The following PRH1 variants were observed in gnomAD, a reference collection of about 807,000 sequenced individuals.
The protein encoded by PRH1 is salivary acidic proline-rich phosphoprotein 1/2.
PRH1 carries 7 observed loss-of-function variants against 7.9 expected under a neutral mutation model. The ratio of observed to expected loss-of-function variants is 0.89; its 90% CI spans 0.50 to 1.67. The LOEUF (loss-of-function observed/expected upper bound fraction) is 1.67, where lower values mean the gene tolerates loss of function less well. Among genes scored for constraint, PRH1 ranks in the 40% most tolerant of loss-of-function variants. The probability of loss-of-function intolerance (pLI) is 0.00; values close to 1 mark genes in which losing one functional copy is unlikely to be tolerated. For synonymous variants in PRH1, 45 were observed against 80.8 expected (o/e 0.56, Z 2.38); for missense variants, 109 against 223.6 (o/e 0.49, Z 3.27).
At chr12:11,027,186 G>A (rs2136088489) in intron 1 of PRH1, among the ~76,000 whole-genome samples, 1 of 151,044 alleles carries the variant, frequency 6.6e-6, no homozygotes, top group African/African-American at 2.4e-5. Flanking sequence ...AATCACTTGA[G>A]CCCAGAAGGT....
At chr12:10,977,434 C>T (rs1939157805) in intron 1 of PRH1, among the ~76,000 whole-genome samples, 2 of 152,116 alleles carry the variant, frequency 1.3e-5, no homozygotes, top group Admixed American at 1.3e-4. Flanking sequence ...TAAGCACCAC[C>T]TATGACAAAC....
intron 1 of PRH1, among the ~76,000 whole-genome samples, chr12:11,004,557 A>G (rs1448863837): frequency 6.6e-6 from 1 of 152,124 alleles, no homozygotes; most frequent in Non-Finnish European, 1.5e-5. Context: ...TTTCTATTAT[A>G]ATTCAGAATG....
At chr12:10,967,543 G>T (rs1938569450) in intron 2 of PRH1, among the ~76,000 whole-genome samples, 1 of 152,122 alleles carries the variant, frequency 6.6e-6, no homozygotes, top group Non-Finnish European at 1.5e-5. Flanking sequence ...CAACACTTGG[G>T]TCACACAATA....
intron 2 of PRH1, chr12:10,931,153 C>G: frequency 6.3e-7 from 1 of 1,585,774 alleles, no homozygotes; most frequent in Non-Finnish European, 8.6e-7. Context: ...GCCAGTGAAT[C>G]TATTGAAAAG....
rs368370360 is a variant in PRH1 at position 10,892,539 on chromosome 12, G to T, written c.-58-8264C>A. Among the ~76,000 whole-genome samples, 6 of 151,798 alleles carry T rather than the reference G, an allele frequency of 4.0e-5. No homozygotes were observed. The East Asian group carries it at 9.7e-4, about 24-fold the overall frequency. On this transcript the variant is annotated intron_variant, in intron 2 of 3. Transcript: ENST00000539853. Reference sequence around the variant, plus strand: ...AAGTGAATAATCTTATTTCATAAGGGGTATGTCATTTTATGATTCAAATTA... The same window carrying T: ...AAGTGAATAATCTTATTTCATAAGGTGTATGTCATTTTATGATTCAAATTA...
intron 2 of PRH1, among the ~76,000 whole-genome samples, chr12:10,896,069 T>G (rs1166824808): frequency 6.6e-6 from 1 of 152,230 alleles, no homozygotes; most frequent in Non-Finnish European, 1.5e-5. Flanking sequence ...TATACAAGTT[T>G]TTTTCCCTTG....
rs974764946 is a variant in PRH1 at position 10,986,831 on chromosome 12, T to G, written c.-125-13110A>C. 4.0e-5 allele frequency: 62 copies of G among 1,542,774 alleles called. 1 individual carries two copies. The East Asian group carries it at 1.3e-3, about 32-fold the overall frequency. On this transcript the variant is annotated intron_variant, in intron 1 of 3. Transcript: ENST00000539853. ...GAACAAATAAAACCATTATTAGAAT[T>G]GAAAAAAAAATGTATAGAAAAGTTA... is the stretch of plus-strand genomic sequence containing the variant.
chr12:10,955,248 A>C (rs1278143732), intron 2 of PRH1, among the ~76,000 whole-genome samples: 1 of 152,198 alleles, frequency 6.6e-6, no homozygotes, highest in Middle Eastern at 3.2e-3. Flanking sequence ...GGACCACAGC[A>C]CAATAAAAAT....
At chr12:11,141,956 T>A (rs902033676) in intron 1 of PRH1, among the ~76,000 whole-genome samples, 2 of 151,924 alleles carry the variant, frequency 1.3e-5, no homozygotes, top group African/African-American at 2.4e-5. Flanking sequence ...TCCAGATAAT[T>A]TTTTTTTATT....
intron 1 of PRH1, among the ~76,000 whole-genome samples, chr12:11,005,270 T>A (rs1008043530): frequency 1.2e-4 from 18 of 152,174 alleles, no homozygotes; most frequent in African/African-American, 4.3e-4. Context: ...AAAAATGAGT[T>A]CTCATTTGCT....
At chr12:11,023,795 A>G (rs1181500442) in intron 1 of PRH1, among the ~76,000 whole-genome samples, 1 of 152,250 alleles carries the variant, frequency 6.6e-6, no homozygotes, top group Admixed American at 6.5e-5. Context: ...TACGTGGCCC[A>G]TCTCCAATCA....
intron 2 of PRH1, among the ~76,000 whole-genome samples, chr12:10,893,615 A>G (rs1319120609): frequency 6.6e-6 from 1 of 152,212 alleles, no homozygotes; most frequent in Non-Finnish European, 1.5e-5. Flanking sequence ...CTCGTGGTCT[A>G]TTCTCTGGAT....
intron 1 of PRH1, chr12:11,171,252 A>T (rs61928643): frequency 4.2e-6 from 3 of 719,712 alleles, no homozygotes; most frequent in Non-Finnish European, 3.8e-6. Flanking sequence ...TGAGCCCGGG[A>T]GCCGCTTTGC....
At chr12:11,138,984 G>C (rs763476220) in intron 1 of PRH1, among the ~76,000 whole-genome samples, 1 of 152,136 alleles carries the variant, frequency 6.6e-6, no homozygotes, top group Non-Finnish European at 1.5e-5. Flanking sequence ...AGGTTGCATT[G>C]AGCCGCGATT....
chr12:10,907,843 A>C (rs1949828052), intron 2 of PRH1: 1 of 151,036 alleles, frequency 6.6e-6, no homozygotes, highest in African/African-American at 2.4e-5. Context: ...TTACTAAAAA[A>C]CCGTTATCTT....
At chr12:11,059,289 G>A (rs1199701137) in intron 1 of PRH1, among the ~76,000 whole-genome samples, 2 of 151,054 alleles carry the variant, frequency 1.3e-5, no homozygotes, top group Admixed American at 6.6e-5. Flanking sequence ...TCACTGTGAA[G>A]TGGCTGCCAG....
At chr12:10,991,092 GA>G (rs1939909727) in intron 1 of PRH1, among the ~76,000 whole-genome samples, 1 of 152,150 alleles carries the variant, frequency 6.6e-6, no homozygotes, top group Non-Finnish European at 1.5e-5. Context: ...CTGAGCTGAA[GA>G]ATTAAATATT....
chr12:11,099,161 G>T (rs1432755737), intron 1 of PRH1, among the ~76,000 whole-genome samples: 1 of 152,086 alleles, frequency 6.6e-6, no homozygotes, highest in Non-Finnish European at 1.5e-5. Flanking sequence ...CCTGAACTTG[G>T]AGTTCAATCA....
intron 1 of PRH1, among the ~76,000 whole-genome samples, chr12:11,076,468 T>C (rs11507732): frequency 0.26 from 25,622 of 99,274 alleles, 5,390 homozygotes; most frequent in Non-Finnish European, 0.34. Context: ...TGAGGAATAT[T>C]AGGAATGGGA....
Sources: gnomAD v4.1 joint callset for allele counts (sites outside exome capture counted in the v4.1 genomes callset) on GRCh38, gnomAD v4.1.1 for gene constraint, MANE v1.5 for transcripts, NCBI Gene and HGNC (gene_info 2026-07-23, HGNC 2026-07-21) for gene names.